IFT22: variants seen among roughly 807,000 people sequenced by gnomAD.
IFT22 encodes intraflagellar transport 22.
A neutral mutation model predicts 21.0 loss-of-function variants in IFT22; 13 were observed. That is an observed-to-expected ratio of 0.62 (90% CI 0.40 to 0.98). The LOEUF is 0.98. IFT22 is among the 50% of genes least tolerant of loss of function. IFT22 has a pLI of 0.00. For missense variants in IFT22, 227 were observed against 228.9 expected (o/e 0.99, Z 0.06); for synonymous variants, 67 against 82.4 (o/e 0.81, Z 1.01).
In IFT22 at chr7:101,311,177, T is replaced by G. The variant is rs1236789174; in HGVS notation, c.*3957A>C. ...CCCGGCTTATTTTTTGTATTTTTAGTAGAGGTGGGGTTTCACTGTTAGCCA... is the reference window on the plus strand; with the variant it reads ...CCCGGCTTATTTTTTGTATTTTTAGGAGAGGTGGGGTTTCACTGTTAGCCA... On this transcript the variant is annotated 3_prime_UTR_variant, in exon 5 of 5. Transcript: ENST00000315322. 1.3e-5 allele frequency among the ~76,000 whole-genome samples: 2 copies of G among 151,826 alleles called. No individual in the cohort carries two copies. The highest frequency in any genetic ancestry group is 2.9e-5 in the Non-Finnish European group (2 of 67,968).
intron 2 of IFT22, 33 bp from the exon 3 acceptor site, chr7:101,318,246 G>T: frequency 1.3e-6 from 2 of 1,557,664 alleles, no homozygotes; most frequent in Non-Finnish European, 1.8e-6. Context: ...TAGGCTGGGT[G>T]CAGTGGCTCA....
At position 101,311,432 on chromosome 7, in the gene IFT22, T is replaced by C. The variant is rs938292104; in HGVS notation, c.*3702A>G. Among the ~76,000 whole-genome samples, 13 of 152,196 alleles carry C rather than the reference T, an allele frequency of 8.5e-5. 1 individual carries two copies. The highest frequency in any genetic ancestry group is 7.2e-4 in the Admixed American group (11 of 15,268). On this transcript the variant is annotated 3_prime_UTR_variant, in exon 5 of 5. Transcript: ENST00000315322. ...GATTTAGTTCAGTTGACATTAATAATACGCATGGTAATCCTAACAGGTGAA... is the reference window on the plus strand; with the variant it reads ...GATTTAGTTCAGTTGACATTAATAACACGCATGGTAATCCTAACAGGTGAA...
intron 3 of IFT22, 112 bp from the exon 4 acceptor site, chr7:101,316,654 G>A: frequency 9.7e-7 from 1 of 1,030,806 alleles, no homozygotes; most frequent in Non-Finnish European, 1.4e-6. Flanking sequence ...GCTGGGCGTG[G>A]TGGCTCACAC....
intron 3 of IFT22, among the ~76,000 whole-genome samples, chr7:101,316,853 G>A (rs1221397368): frequency 6.6e-6 from 1 of 152,112 alleles, no homozygotes; most frequent in Non-Finnish European, 1.5e-5. Context: ...GAACCCAGGA[G>A]GCAGAGCTTG....
Position 101,315,208 on chromosome 7 carries a change from T to G in IFT22, c.484A>C (p.Ile162Leu). ...TTGATTATGCTTTTTAAATACTTTA[T>G]GAATTCCATCCGGATCTCCTCAGGG... is the stretch of plus-strand genomic sequence containing the variant. Reference protein sequence around the residue: ...DDPEEIRMEFIKYLKSIINSM... With the variant: ...DDPEEIRMEFLKYLKSIINSM... The change falls in exon 5 of 5, where the codon ATA becomes CTA. Residue 162 changes from isoleucine to leucine, a missense_variant. Coordinates refer to ENST00000315322, the MANE Select transcript of IFT22 (RefSeq NM_022777.4). The G allele has an allele frequency of 1.2e-6, 2 of 1,614,182 alleles. No individual in the cohort carries two copies. The highest frequency in any genetic ancestry group is 8.5e-7 in the Non-Finnish European group (1 of 1,180,018).
Position 101,311,999 on chromosome 7 carries a change from T to C in IFT22, c.*3135A>G, listed in dbSNP as rs538170050. On this transcript the variant is annotated 3_prime_UTR_variant, in exon 5 of 5. Transcript: ENST00000315322. ...AACACAAAAAAATCTCCTAAGATGA[T>C]TAAAACAAACTTGCTTCTACAATAA... is the stretch of plus-strand genomic sequence containing the variant. 6.6e-5 allele frequency among the ~76,000 whole-genome samples: 10 copies of C among 152,192 alleles called. No homozygotes were observed. Among genetic ancestry groups the C allele is most frequent in the African/African-American group, 2.4e-4 (10 of 41,546 alleles).
chr7:101,317,004 G>T (rs1189427336), intron 3 of IFT22, among the ~76,000 whole-genome samples: 1 of 151,822 alleles, frequency 6.6e-6, no homozygotes, highest in Non-Finnish European at 1.5e-5. Context: ...TGTCTCCCAG[G>T]CTGAAGTGCA....
chr7:101,316,512 C>T lies in IFT22; in HGVS notation c.237G>A (p.Lys79=), dbSNP rs776746507. 6.2e-7 allele frequency: 1 copy of T among 1,614,158 alleles called. No individual in the cohort carries two copies. Among genetic ancestry groups the T allele is most frequent in the South Asian group, 1.1e-5 (1 of 91,082 alleles). ...AGACGATCACCACTCCATGAGCATC[C>T]TTCATCAGGGCCGGCCAGCAGGACT... ...KFESCWPALM[K]DAHGVVIVFN... Residue 79 remains lysine, a synonymous_variant, in exon 4 of 5, where the codon AAG becomes AAA. Transcript: ENST00000315322.
intron 4 of IFT22, chr7:101,316,045 C>G: frequency 5.1e-6 from 1 of 195,148 alleles, no homozygotes; most frequent in South Asian, 1.2e-4. Flanking sequence ...GTCACACAAA[C>G]TGGAGTGTAG....
In IFT22 at chr7:101,318,978, A is replaced by G; in HGVS notation, c.94T>C (p.Tyr32His). The change falls in exon 2 of 5, where the codon TAC (tyrosine) becomes CAC (histidine). Residue 32 changes from tyrosine (Y) to histidine (H), a missense_variant. Tyr to His is a moderately conservative substitution (Grantham distance 83, BLOSUM62 2). Transcript: ENST00000315322. ...CACCTCACTCCTTGGGTTGGGCTGTATTCAGTGATGTCAGAAGATTCTGTC... is the reference window on the plus strand; with the variant it reads ...CACCTCACTCCTTGGGTTGGGCTGTGTTCAGTGATGTCAGAAGATTCTGTC... ...FLTESSDITE[Y>H]SPTQGVRILE... 3 of 1,613,882 alleles carry G rather than the reference A, an allele frequency of 1.9e-6. No individual in the cohort carries two copies. The highest frequency in any genetic ancestry group is 2.5e-6 in the Non-Finnish European group (3 of 1,179,818).
In IFT22 at chr7:101,312,549, T is replaced by TTTC. The variant is rs1655911718; in HGVS notation, c.*2584_*2585insGAA. On this transcript the variant is annotated 3_prime_UTR_variant, in exon 5 of 5. Coordinates refer to ENST00000315322, the MANE Select transcript of IFT22 (RefSeq NM_022777.4). ...GAGAGAGTTGTTTTTTTTTTTTTTT[T>TTTC]TTTTGTGACGGAGTCTCGCTATGTT... Among the ~76,000 whole-genome samples, 1 of 148,544 alleles carries TTTC rather than the reference T, an allele frequency of 6.7e-6. No individual in the cohort carries two copies. Among genetic ancestry groups the TTTC allele is most frequent in the African/African-American group, 2.5e-5 (1 of 39,976 alleles).
Position 101,314,901 on chromosome 7 carries a change from G to C in IFT22, c.*233C>G, listed in dbSNP as rs1025322776. ...CCTCCATTTTACAGGTCTTTGGGAA[G>C]TTCTGGGGCCAGGAAATCCAAATTT... is the stretch of plus-strand genomic sequence containing the variant. On this transcript the variant is annotated 3_prime_UTR_variant, in exon 5 of 5. Coordinates refer to ENST00000315322, the MANE Select transcript of IFT22 (RefSeq NM_022777.4). 5.9e-6 allele frequency: 3 copies of C among 509,968 alleles called. No individual in the cohort carries two copies. Among genetic ancestry groups the C allele is most frequent in the African/African-American group, 5.8e-5 (3 of 52,040 alleles). The allele number at this position is 509,968 out of a possible 1,614,324, so 31.6% of individuals were successfully genotyped here. A position where few individuals can be genotyped will look rare whatever the true frequency, so the allele number is the denominator to read the frequency against.
chr7:101,320,105 C>G (rs1376131870), intron 1 of IFT22, among the ~76,000 whole-genome samples: 1 of 151,842 alleles, frequency 6.6e-6, no homozygotes, highest in Non-Finnish European at 1.5e-5. Flanking sequence ...TACAGGCATG[C>G]ACCACCAAGC....
In IFT22 at chr7:101,321,780, C is replaced by T. The variant is rs530596110; in HGVS notation, c.-71G>A. ...GCGTCAGGACGGAGCTCTACTTGGC[C>T]GCTTTCGTTTCCATGGCGACGGAGA... On this transcript the variant is annotated 5_prime_UTR_variant, in exon 1 of 5. Transcript: ENST00000315322. 2.4e-3 allele frequency: 3,468 copies of T among 1,439,664 alleles called. 7 individuals are homozygous for T. The highest frequency in any genetic ancestry group is 3.1e-3 in the Non-Finnish European group (3,378 of 1,080,010). The allele number at this position is 1,439,664 out of a possible 1,614,324, so 89.2% of individuals were successfully genotyped here. A position where few individuals can be genotyped will look rare whatever the true frequency, so the allele number is the denominator to read the frequency against.
At chr7:101,318,445 G>C in intron 2 of IFT22, 2 of 376,462 alleles carry the variant, frequency 5.3e-6, no homozygotes, top group East Asian at 6.2e-5. Flanking sequence ...GCTTGAACCT[G>C]GGAGGCGGAG....
At chr7:101,316,249 G>C in intron 4 of IFT22, 91 bp downstream of exon 4, 1 of 1,223,236 alleles carries the variant, frequency 8.2e-7, no homozygotes, top group Non-Finnish European at 1.2e-6. Context: ...TCAGTAACTG[G>C]ACAGAGCTGC....
At chr7:101,318,393 A>C in intron 2 of IFT22, 180 bp from the exon 3 acceptor site, 2 of 458,096 alleles carry the variant, frequency 4.4e-6, no homozygotes, top group Non-Finnish European at 8.1e-6. Context: ...GATGGTGTGC[A>C]CCTGTGATCT....
chr7:101,311,138 T>C lies in IFT22; in HGVS notation c.*3996A>G, dbSNP rs1284770398. Among the ~76,000 whole-genome samples the C allele has an allele frequency of 2.0e-5, 3 of 151,666 alleles. No individual in the cohort carries two copies. Among genetic ancestry groups the C allele is most frequent in the African/African-American group, 7.3e-5 (3 of 41,300 alleles). On this transcript the variant is annotated 3_prime_UTR_variant, in exon 5 of 5. Transcript: ENST00000315322. Reference sequence around the variant, plus strand: ...CCTCCTGAGTAGCTGGGACTACAGGTGCCCGCCACCACACCCGGCTTATTT... The same window carrying C: ...CCTCCTGAGTAGCTGGGACTACAGGCGCCCGCCACCACACCCGGCTTATTT...
chr7:101,319,063 G>A, intron 1 of IFT22, 31 bp from the exon 2 acceptor site: 2 of 1,611,460 alleles, frequency 1.2e-6, no homozygotes, highest in Non-Finnish European at 1.7e-6. Context: ...AAAGGTCTTT[G>A]CTGAAAGGCA....
Sources: allele counts gnomAD v4.1 joint callset (sites outside exome capture counted in the v4.1 genomes callset), GRCh38; gene constraint gnomAD v4.1.1; transcripts MANE v1.5; gene names NCBI Gene and HGNC (gene_info 2026-07-23, HGNC 2026-07-21).